The following DOCK3 variants were observed in gnomAD, a reference collection of about 807,000 sequenced individuals.
DOCK3 encodes dedicator of cytokinesis 3.
Under a neutral mutation model 265.6 loss-of-function variants are expected in DOCK3, and 60 were observed. That is an observed-to-expected ratio of 0.23 (90% CI 0.18 to 0.28). DOCK3 has a LOEUF of 0.28. Among genes scored for constraint, DOCK3 ranks in the 10% least tolerant of loss-of-function variants. DOCK3 has a pLI of 1.00. For synonymous variants in DOCK3, 881 were observed against 938.0 expected, an observed-to-expected ratio of 0.94 and a Z score of 1.11; for missense variants, 1,981 against 2,594.3, an observed-to-expected ratio of 0.76 and a Z score of 5.14.
At position 50,705,711 on chromosome 3, in the gene DOCK3, A is replaced by T. The variant is rs73072446; in HGVS notation, c.37+30411A>T. Among the ~76,000 whole-genome samples, 1,171 of 152,174 alleles carry T rather than the reference A, an allele frequency of 7.7e-3. 10 individuals carry two copies. The highest frequency in any genetic ancestry group is 0.013 in the South Asian group (61 of 4,824). ...ATTACAGGCATGAGCTACCCTGCCC[A>T]GTCGAGATCTGATGGTTTTGAAAGT... On this transcript the variant is annotated intron_variant, in intron 1 of 52. Coordinates refer to ENST00000266037, the MANE Select transcript of DOCK3 (RefSeq NM_004947.5).
chr3:51,380,276 T>C, intron 52 of DOCK3, 69 bp downstream of exon 52: 1 of 1,419,266 alleles, frequency 7.0e-7, no homozygotes. Flanking sequence ...AGAACCACCC[T>C]TGGGGTCTAC....
intron 2 of DOCK3, among the ~76,000 whole-genome samples, chr3:50,803,042 TTTTATGTA>T (rs1184908919): frequency 6.8e-6 from 1 of 147,080 alleles, no homozygotes; most frequent in East Asian, 2.0e-4. Context: ...TTTTTTAAGA[TTTTATGTA>T]TTTATGTATT....
intron 5 of DOCK3, among the ~76,000 whole-genome samples, chr3:50,979,135 C>T (rs535122579): frequency 1.6e-4 from 24 of 152,270 alleles, no homozygotes; most frequent in South Asian, 1.0e-3. Flanking sequence ...AGCTGTAGAC[C>T]GGAGCTGTTC....
chr3:50,952,124 T>C (rs1406304015), intron 5 of DOCK3, among the ~76,000 whole-genome samples: 1 of 152,192 alleles, frequency 6.6e-6, no homozygotes, highest in African/African-American at 2.4e-5. Flanking sequence ...AAGAGCAAAT[T>C]ATACCCAAGG....
At chr3:51,233,092 C>T (rs1269950331) in intron 19 of DOCK3, among the ~76,000 whole-genome samples, 1 of 152,046 alleles carries the variant, frequency 6.6e-6, no homozygotes, top group Non-Finnish European at 1.5e-5. Flanking sequence ...CCAAGGCTTG[C>T]TTTGGCTATT....
In DOCK3 at chr3:51,270,989, C is replaced by A. The variant is rs770176699; in HGVS notation, c.2530C>A (p.Arg844Ser). The change falls in exon 24 of 53, where the codon CGC becomes AGC. Residue 844 changes from arginine to serine, a missense_variant. This residue lies in a region of DOCK3 where 1,357 missense variants were observed against 1,866.8 expected (regional missense o/e 0.73). Coordinates refer to ENST00000266037, the MANE Select transcript of DOCK3 (RefSeq NM_004947.5). The stretch of plus-strand genomic sequence containing the variant: ...GTCCATTGCCAGGACAGTGGATAGC[C>A]GCCTGTTTTCTTTCTCAGGTAAATC... ...LQSIARTVDSRLFSFSESRRI... is the reference protein window; with the variant it reads ...LQSIARTVDSSLFSFSESRRI... 6.2e-7 allele frequency: 1 copy of A among 1,612,348 alleles called. No homozygotes were observed. Among genetic ancestry groups the A allele is most frequent in the African/African-American group, 1.3e-5 (1 of 74,998 alleles).
intron 4 of DOCK3, among the ~76,000 whole-genome samples, chr3:50,902,129 G>A: frequency 6.6e-6 from 1 of 152,048 alleles, no homozygotes; most frequent in East Asian, 1.9e-4. Flanking sequence ...CTCCCATTCT[G>A]TAGGCTGTCT....
chr3:51,189,263 A>T (rs1320251848), intron 12 of DOCK3, among the ~76,000 whole-genome samples: 2 of 148,114 alleles, frequency 1.4e-5, no homozygotes, highest in Non-Finnish European at 3.0e-5. Context: ...TTTGCCCACT[A>T]TTTTTTTTTT....
Position 51,274,634 on chromosome 3 carries a change from G to A in DOCK3, c.2549-445G>A, listed in dbSNP as rs139600858. Among the ~76,000 whole-genome samples the A allele has an allele frequency of 2.0e-3, 306 of 152,104 alleles. 3 individuals are homozygous for A. Among genetic ancestry groups the A allele is most frequent in the African/African-American group, 6.7e-3 (279 of 41,508 alleles). ...TCTACAAAAAATTAAAAAATTATCC[G>A]AGTGTGGTGCCATACACCTGTGGTC... is the stretch of plus-strand genomic sequence containing the variant. On this transcript the variant is annotated intron_variant, in intron 24 of 52. Coordinates refer to ENST00000266037, the MANE Select transcript of DOCK3 (RefSeq NM_004947.5).
chr3:51,189,771 A>T (rs965461473), intron 12 of DOCK3, among the ~76,000 whole-genome samples: 1 of 152,200 alleles, frequency 6.6e-6, no homozygotes, highest in Non-Finnish European at 1.5e-5. Flanking sequence ...CTCTGGGTAA[A>T]TACCCAGTTG....
intron 12 of DOCK3, among the ~76,000 whole-genome samples, chr3:51,179,936 G>T (rs1406910645): frequency 1.3e-5 from 2 of 151,314 alleles, no homozygotes; most frequent in Non-Finnish European, 2.9e-5. Flanking sequence ...CGGCGGACGC[G>T]GTGTCTCATG....
intron 49 of DOCK3, among the ~76,000 whole-genome samples, chr3:51,369,270 C>T (rs1418815856): frequency 6.6e-6 from 1 of 152,168 alleles, no homozygotes; most frequent in Non-Finnish European, 1.5e-5. Flanking sequence ...TGTTTGAACC[C>T]ATTGCAAAGA....
At chr3:51,185,402 G>A (rs1238198281) in intron 12 of DOCK3, among the ~76,000 whole-genome samples, 1 of 152,114 alleles carries the variant, frequency 6.6e-6, no homozygotes, top group Admixed American at 6.5e-5. Context: ...CTGTACTAAG[G>A]AGCAGAGGTC....
intron 12 of DOCK3, among the ~76,000 whole-genome samples, chr3:51,175,365 G>A (rs1007842979): frequency 2.0e-5 from 3 of 152,154 alleles, no homozygotes; most frequent in Non-Finnish European, 2.9e-5. Context: ...TCAGACTGTG[G>A]CTAGGAGGGA....
chr3:50,873,202 G>A (rs950328606), intron 3 of DOCK3, among the ~76,000 whole-genome samples: 1 of 152,134 alleles, frequency 6.6e-6, no homozygotes, highest in African/African-American at 2.4e-5. Context: ...TAATACCTGG[G>A]TATCACTCCT....
chr3:51,088,876 G>A (rs985430049), intron 7 of DOCK3, among the ~76,000 whole-genome samples: 2 of 152,180 alleles, frequency 1.3e-5, no homozygotes, highest in African/African-American at 2.4e-5. Context: ...CATCATTGTG[G>A]AAAGTCTGAA....
chr3:51,332,885 TC>T, intron 33 of DOCK3, 115 bp from the exon 34 acceptor site: 2 of 1,370,384 alleles, frequency 1.5e-6, no homozygotes, highest in Non-Finnish European at 2.0e-6. Flanking sequence ...AACCCCTCCC[TC>T]CCCCCACCTC....
intron 1 of DOCK3, among the ~76,000 whole-genome samples, chr3:50,760,299 C>G (rs1010594032): frequency 6.6e-6 from 1 of 152,154 alleles, no homozygotes; most frequent in Non-Finnish European, 1.5e-5. Flanking sequence ...TGTCAAAAAT[C>G]AAGTGATCAT....
chr3:50,749,598 G>T lies in DOCK3; in HGVS notation c.38-29077G>T, dbSNP rs1000442726. 2.6e-5 allele frequency among the ~76,000 whole-genome samples: 4 copies of T among 151,896 alleles called. No homozygotes were observed. The East Asian group carries it at 7.7e-4, about 29-fold the overall frequency. ...CCTATTTTTAAAAATCCTATCAGTGGACATCATCTTTCACTGCCTCTTTGG... is the reference window on the plus strand; with the variant it reads ...CCTATTTTTAAAAATCCTATCAGTGTACATCATCTTTCACTGCCTCTTTGG... On this transcript the variant is annotated intron_variant, in intron 1 of 52. Coordinates refer to ENST00000266037, the MANE Select transcript of DOCK3 (RefSeq NM_004947.5).
Sources: allele counts gnomAD v4.1 joint callset (sites outside exome capture counted in the v4.1 genomes callset), GRCh38; gene constraint gnomAD v4.1.1; regional missense constraint gnomAD v4.1.1; transcripts MANE v1.5; gene names NCBI Gene and HGNC (gene_info 2026-07-23, HGNC 2026-07-21).